Variants in TASP1 observed in about 807,000 individuals in gnomAD.
The protein encoded by TASP1 is threonine aspartase 1.
In TASP1, 16 loss-of-function variants were observed where a neutral mutation model predicts 56.6. The observed-to-expected ratio is 0.28, with a 90% CI of 0.19 to 0.43. The LOEUF (loss-of-function observed/expected upper bound fraction) is 0.43. Ranked by LOEUF, TASP1 falls within the 20% of genes least tolerant of loss-of-function variation. The pLI is 1.00. For synonymous variants in TASP1, 179 were observed against 184.2 expected, an observed-to-expected ratio of 0.97 and a Z score of 0.23; for missense variants, 393 against 511.6, an observed-to-expected ratio of 0.77 and a Z score of 2.24.
the TASP1 span, among the ~76,000 whole-genome samples, chr20:13,159,452 A>C: frequency 6.6e-6 from 1 of 152,156 alleles, no homozygotes; most frequent in South Asian, 2.1e-4. Flanking sequence ...TTGGCGCTGC[A>C]GTGGGAATAT....
At chr20:13,475,437 T>C (rs1052975182) in intron 11 of TASP1, among the ~76,000 whole-genome samples, 1 of 152,178 alleles carries the variant, frequency 6.6e-6, no homozygotes, top group Non-Finnish European at 1.5e-5. Context: ...GGTACATACA[T>C]AGAAATACAG....
intron 1 of TASP1, among the ~76,000 whole-genome samples, chr20:13,632,376 A>G (rs941823490): frequency 1.3e-5 from 2 of 151,626 alleles, no homozygotes; most frequent in Non-Finnish European, 2.9e-5. Flanking sequence ...AAAAAAAAAA[A>G]AAAGAAAAAA....
intron 4 of TASP1, among the ~76,000 whole-genome samples, chr20:13,598,751 T>C (rs888972707): frequency 3.3e-5 from 5 of 152,098 alleles, no homozygotes; most frequent in African/African-American, 1.2e-4. Context: ...ACAGGCAACC[T>C]ACAGAATGGG....
the TASP1 span, chr20:13,239,756 C>T: frequency 6.6e-6 from 1 of 152,200 alleles, no homozygotes; most frequent in Non-Finnish European, 1.5e-5. Flanking sequence ...AGCCAAGCCC[C>T]AATGTCTCAT....
At chr20:13,184,249 G>T in the TASP1 span, among the ~76,000 whole-genome samples, 1 of 152,002 alleles carries the variant, frequency 6.6e-6, no homozygotes, top group African/African-American at 2.4e-5. Context: ...CAAAAGAGAA[G>T]AATACAAATA....
chr20:13,537,060 G>T (rs2045445184), intron 8 of TASP1, among the ~76,000 whole-genome samples: 1 of 152,000 alleles, frequency 6.6e-6, no homozygotes, highest in African/African-American at 2.4e-5. Flanking sequence ...CTGTAAAACA[G>T]AATTTTATAG....
intron 10 of TASP1, among the ~76,000 whole-genome samples, chr20:13,502,066 C>T (rs1232056177): frequency 2.6e-5 from 4 of 151,696 alleles, no homozygotes; most frequent in Non-Finnish European, 5.9e-5. Flanking sequence ...GATTGAAATA[C>T]ATCAAATATA....
chr20:13,580,677 T>TGG (rs1199904478), intron 6 of TASP1, among the ~76,000 whole-genome samples: 10 of 152,172 alleles, frequency 6.6e-5, no homozygotes, highest in Non-Finnish European at 5.9e-5. Context: ...AGTTTCATAA[T>TGG]AAAATGAGCC....
chr20:13,329,262 G>C, the TASP1 span, among the ~76,000 whole-genome samples: 1 of 152,162 alleles, frequency 6.6e-6, no homozygotes, highest in East Asian at 1.9e-4. Context: ...GGTTTTTAAG[G>C]AGGTAAGTCA....
chr20:13,303,497 G>T, the TASP1 span, among the ~76,000 whole-genome samples: 1 of 152,158 alleles, frequency 6.6e-6, no homozygotes, highest in Non-Finnish European at 1.5e-5. Flanking sequence ...TGTGCTAACT[G>T]CTGCCTGTTA....
the TASP1 span, among the ~76,000 whole-genome samples, chr20:13,117,277 C>G: frequency 6.6e-6 from 1 of 152,156 alleles, no homozygotes; most frequent in Non-Finnish European, 1.5e-5. Flanking sequence ...TTAGCTGAAA[C>G]CAAAAGCACT....
the TASP1 span, among the ~76,000 whole-genome samples, chr20:13,127,019 CAT>C: frequency 3.3e-5 from 5 of 152,230 alleles, no homozygotes; most frequent in Non-Finnish European, 7.3e-5. Flanking sequence ...TGAGCGTGCA[CAT>C]GTTTGCCTGT....
intron 11 of TASP1, among the ~76,000 whole-genome samples, chr20:13,476,156 T>A (rs375384820): frequency 1.3e-5 from 2 of 152,020 alleles, no homozygotes; most frequent in African/African-American, 4.8e-5. Flanking sequence ...ATAAATAAAG[T>A]CTTTGGTAGT....
At chr20:13,589,304 C>A (rs189602945) in intron 4 of TASP1, among the ~76,000 whole-genome samples, 1 of 151,974 alleles carries the variant, frequency 6.6e-6, no homozygotes, top group African/African-American at 2.4e-5. Flanking sequence ...GTGATCCACC[C>A]GCCTCAGCCT....
the TASP1 span, among the ~76,000 whole-genome samples, chr20:13,121,876 C>T: frequency 2.0e-5 from 3 of 152,214 alleles, no homozygotes; most frequent in Non-Finnish European, 4.4e-5. Context: ...AGTGCTGCAC[C>T]GATGAGGTAT....
At chr20:13,370,423 G>A in the TASP1 span, among the ~76,000 whole-genome samples, 75 of 152,048 alleles carry the variant, frequency 4.9e-4, no homozygotes, top group Non-Finnish European at 9.7e-4. Context: ...ATGTATAATT[G>A]TACAACAGCT....
chr20:13,539,602 T>C (rs2045547751), intron 8 of TASP1, among the ~76,000 whole-genome samples: 1 of 152,130 alleles, frequency 6.6e-6, no homozygotes. Context: ...ATTTCCTAAA[T>C]CACTTGACAA....
At chr20:13,132,022 G>T in the TASP1 span, among the ~76,000 whole-genome samples, 3 of 151,912 alleles carry the variant, frequency 2.0e-5, no homozygotes, top group Non-Finnish European at 2.9e-5. Flanking sequence ...GCACTTGCTG[G>T]TCCCTCTAAA....
chr20:13,268,030 CA>C, the TASP1 span, among the ~76,000 whole-genome samples: 1 of 152,216 alleles, frequency 6.6e-6, no homozygotes, highest in African/African-American at 2.4e-5. Flanking sequence ...AGCAAGGGAA[CA>C]AATGCATTCA....
Sources: allele counts gnomAD v4.1 joint callset (sites outside exome capture counted in the v4.1 genomes callset), GRCh38; gene constraint gnomAD v4.1.1; transcripts MANE v1.5; gene names NCBI Gene and HGNC (gene_info 2026-07-23, HGNC 2026-07-21).